PPP2R3B: variants seen among roughly 807,000 people sequenced by gnomAD.
PPP2R3B encodes serine/threonine-protein phosphatase 2A regulatory subunit B'' subunit beta.
Under a neutral mutation model 72.9 loss-of-function variants are expected in PPP2R3B, and 68 were observed. The ratio of observed to expected loss-of-function variants is 0.93; its 90% CI spans 0.77 to 1.14. The LOEUF (loss-of-function observed/expected upper bound fraction) is 1.14, where lower values mean the gene tolerates loss of function less well. Ranked by LOEUF, PPP2R3B falls within the 50% of genes most tolerant of loss-of-function variation. The pLI, the probability that PPP2R3B is intolerant of heterozygous loss-of-function variation, is 0.00. For missense variants in PPP2R3B, 1,018 were observed against 842.0 expected (o/e 1.21, Z -2.59); for synonymous variants, 466 against 375.8 (o/e 1.24, Z -2.78).
chrX:346,183 G>T lies in PPP2R3B; in HGVS notation c.870C>A (p.Ser290=). Residue 290 remains serine, a synonymous_variant, in exon 6 of 13, where the codon TCC becomes TCA. Coordinates refer to ENST00000390665, the MANE Select transcript of PPP2R3B (RefSeq NM_013239.5). The part of the protein sequence containing the change: ...RITCAELRRS[S]FLQNVALLEE... Reference sequence around the variant, plus strand: ...GGGGGCCGCTCCGCACCTGCAGGAAGGAGCTCCTCCGCAGCTCGGCGCAGG... The same window carrying T: ...GGGGGCCGCTCCGCACCTGCAGGAATGAGCTCCTCCGCAGCTCGGCGCAGG... The T allele has an allele frequency of 6.4e-7, 1 of 1,560,028 alleles. No homozygotes were observed. The highest frequency in any genetic ancestry group is 8.7e-7 in the Non-Finnish European group (1 of 1,154,876).
chrX:377,595 A>G (rs866584054), intron 1 of PPP2R3B, among the ~76,000 whole-genome samples: 1 of 131,088 alleles, frequency 7.6e-6, no homozygotes, highest in African/African-American at 2.9e-5. Context: ...TACTGTGTAC[A>G]GGGACGGGCC....
chrX:338,815 A>G lies in PPP2R3B; in HGVS notation c.1433T>C (p.Leu478Pro), dbSNP rs1445784777. The change falls in exon 11 of 13, where the codon CTC (leucine) becomes CCC (proline). Residue 478 changes from leucine (L) to proline (P), a missense_variant. Physicochemically the swap from Leu to Pro is moderately conservative, Grantham distance 98. Transcript: ENST00000390665. The part of the protein sequence containing the change: ...FDTFFNIEKY[L>P]DHEQKEQISL... ...GATCTGCTCTTTCTGCTCGTGGTCG[A>G]GGTACTTCTCGATGTTGAAGAAGGT... 6.2e-7 allele frequency: 1 copy of G among 1,612,288 alleles called. No individual in the cohort carries two copies. Among genetic ancestry groups the G allele is most frequent in the Admixed American group, 1.7e-5 (1 of 59,996 alleles).
At chrX:369,922 G>T (rs763149641) in intron 1 of PPP2R3B, among the ~76,000 whole-genome samples, 1 of 152,306 alleles carries the variant, frequency 6.6e-6, no homozygotes, top group South Asian at 2.1e-4. Context: ...CAGGGACGGG[G>T]GGTTTGGCCG....
At position 361,089 on chromosome X, in the gene PPP2R3B, G is replaced by A. The variant is rs750380628; in HGVS notation, c.510+316C>T. ...GAGAGCTGGCGCCACTGGCCCCGGA[G>A]GGGAGAGAAGGGGAGGGTGGCACAG... On this transcript the variant is annotated intron_variant, in intron 2 of 12. Coordinates refer to ENST00000390665, the MANE Select transcript of PPP2R3B (RefSeq NM_013239.5). Among the ~76,000 whole-genome samples the A allele has an allele frequency of 1.0e-3, 153 of 152,322 alleles. 1 individual carries two copies. Among genetic ancestry groups the A allele is most frequent in the African/African-American group, 3.5e-3 (146 of 41,588 alleles).
intron 5 of PPP2R3B, 21 bp downstream of exon 5, chrX:346,680 G>A: frequency 1.3e-6 from 2 of 1,596,954 alleles, no homozygotes; most frequent in South Asian, 1.1e-5. Context: ...GGAACCGACG[G>A]CCCCTCCGCT....
chrX:372,308 G>GA lies in PPP2R3B; in HGVS notation c.325-10719dup, dbSNP rs754016435. The stretch of plus-strand genomic sequence containing the variant: ...GCAAAAGTTGATGTGAGATCTTACA[G>GA]AAAAAATTTCAATTAAAATATCAAC... On this transcript the variant is annotated intron_variant, in intron 1 of 12. Coordinates refer to ENST00000390665, the MANE Select transcript of PPP2R3B (RefSeq NM_013239.5). Among the ~76,000 whole-genome samples the GA allele has an allele frequency of 6.3e-3, 956 of 152,322 alleles. 15 individuals are homozygous for GA. Among genetic ancestry groups the GA allele is most frequent in the African/African-American group, 0.022 (909 of 41,576 alleles).
intron 1 of PPP2R3B, among the ~76,000 whole-genome samples, chrX:364,511 AAAAAAAAAAC>A (rs2071645554): frequency 8.7e-6 from 1 of 115,400 alleles, no homozygotes; most frequent in African/African-American, 3.9e-5. Flanking sequence ...TCTACTAAAA[AAAAAAAAAAC>A]AAAAAAAAAA....
At chrX:348,557 CAG>C (rs1179982489) in intron 2 of PPP2R3B, among the ~76,000 whole-genome samples, 2 of 136,384 alleles carry the variant, frequency 1.5e-5, no homozygotes, top group Non-Finnish European at 3.1e-5. Flanking sequence ...GCCTGGGTGA[CAG>C]AGAGAGACTC....
intron 1 of PPP2R3B, among the ~76,000 whole-genome samples, chrX:363,495 A>G (rs1368254538): frequency 3.1e-4 from 43 of 137,418 alleles, no homozygotes; most frequent in African/African-American, 1.1e-3. Context: ...CCAGCATCCC[A>G]CAATGCATCT....
Position 346,235 on chromosome X carries a change from A to G in PPP2R3B, c.818T>C (p.Val273Ala). The G allele has an allele frequency of 6.4e-7, 1 of 1,572,146 alleles. No homozygotes were observed. The highest frequency in any genetic ancestry group is 8.6e-7 in the Non-Finnish European group (1 of 1,160,464). Residue 273 changes from valine to alanine, a missense_variant, in exon 6 of 13, where the codon GTG becomes GCG. Coordinates refer to ENST00000390665, the MANE Select transcript of PPP2R3B (RefSeq NM_013239.5). ...TTVIQRIFYA[V>A]NRSWSGRITC... is the part of the protein sequence containing the mutation. The stretch of plus-strand genomic sequence containing the variant: ...GATCCTGCCGGACCAGGACCGGTTC[A>G]CGGCGTAGAAGATCCGCTGGATGAC...
At chrX:382,935 G>A (rs1015046427) in intron 1 of PPP2R3B, among the ~76,000 whole-genome samples, 1 of 152,096 alleles carries the variant, frequency 6.6e-6, no homozygotes, top group Admixed American at 6.6e-5. Context: ...ACTAGCACAT[G>A]CTTCTTGAGT....
intron 1 of PPP2R3B, among the ~76,000 whole-genome samples, chrX:363,651 CCT>C (rs1379912088): frequency 7.1e-6 from 1 of 140,722 alleles, no homozygotes; most frequent in African/African-American, 2.7e-5. Context: ...CAGTCATCTC[CCT>C]GTGCCCACCA....
At chrX:346,500 G>A in intron 5 of PPP2R3B, 1 of 632,158 alleles carries the variant, frequency 1.6e-6, no homozygotes, top group Non-Finnish European at 2.7e-6. Flanking sequence ...TGGGAAGGGG[G>A]TGCGGCCACC....
chrX:370,503 A>T (rs2071835904), intron 1 of PPP2R3B, among the ~76,000 whole-genome samples: 1 of 152,094 alleles, frequency 6.6e-6, no homozygotes, highest in Non-Finnish European at 1.5e-5. Flanking sequence ...GTGACGGTGG[A>T]TGCCGCGCAA....
rs1265814522 is a variant in PPP2R3B, at chrX:363,755, C to A, written c.325-2165G>T. On this transcript the variant is annotated intron_variant, in intron 1 of 12. Coordinates refer to ENST00000390665, the MANE Select transcript of PPP2R3B (RefSeq NM_013239.5). Reference sequence around the variant, plus strand: ...CGCAGCGGCGCCTTCCCGTCTCTCGCTGTGGGGGTCCCACTGTGGAGCCTG... The same window carrying A: ...CGCAGCGGCGCCTTCCCGTCTCTCGATGTGGGGGTCCCACTGTGGAGCCTG... Among the ~76,000 whole-genome samples, 6 of 148,300 alleles carry A rather than the reference C, an allele frequency of 4.0e-5. No homozygotes were observed. In the Admixed American group the frequency reaches 4.1e-4, roughly 10 times the overall value.
chrX:338,995 C>T (rs999398363), intron 10 of PPP2R3B, 99 bp from the exon 11 acceptor site: 208 of 949,742 alleles, frequency 2.2e-4, no homozygotes, highest in Middle Eastern at 3.1e-4. Context: ...CTTAAGGACG[C>T]GGCACGAAGC....
At chrX:384,202 A>G (rs2072191619) in intron 1 of PPP2R3B, among the ~76,000 whole-genome samples, 1 of 151,956 alleles carries the variant, frequency 6.6e-6, no homozygotes, top group Non-Finnish European at 1.5e-5. Context: ...AAGTAAATAA[A>G]GGATGTTTTT....
chrX:346,884 G>C (rs1469572531), intron 4 of PPP2R3B, 109 bp from the exon 5 acceptor site: 16 of 1,056,000 alleles, frequency 1.5e-5, no homozygotes, highest in Non-Finnish European at 2.1e-5. Context: ...GAGGTGTGCG[G>C]TGTAGACGCC....
rs762790758 is a variant in PPP2R3B, at chrX:360,839, C to T, written c.510+566G>A. On this transcript the variant is annotated intron_variant, in intron 2 of 12. Coordinates refer to ENST00000390665, the MANE Select transcript of PPP2R3B (RefSeq NM_013239.5). ...ACGGACAGACACTAAACTGAGTGTG[C>T]TCCATCTGTGGGCGTCCAGGCGGTC... 2.0e-3 allele frequency among the ~76,000 whole-genome samples: 311 copies of T among 152,344 alleles called. 2 individuals are homozygous for T. The highest frequency in any genetic ancestry group is 7.3e-3 in the African/African-American group (303 of 41,592).
Sources: allele counts gnomAD v4.1 joint callset (sites outside exome capture counted in the v4.1 genomes callset), GRCh38; gene constraint gnomAD v4.1.1; transcripts MANE v1.5; gene names NCBI Gene and HGNC (gene_info 2026-07-23, HGNC 2026-07-21).